The following ZBTB10 variants were observed in gnomAD, a reference collection of about 807,000 sequenced individuals.
ZBTB10 encodes zinc finger and BTB domain containing 10.
A neutral mutation model predicts 76.4 loss-of-function variants in ZBTB10; 32 were observed. The ratio of observed to expected loss-of-function variants is 0.42; its 90% CI spans 0.32 to 0.56. The LOEUF is 0.56. Among genes scored for constraint, ZBTB10 ranks in the 20% least tolerant of loss-of-function variants. The pLI is 0.14. For synonymous variants in ZBTB10, 523 were observed against 432.9 expected (o/e 1.21, Z -2.58); for missense variants, 1,057 against 1,098.5 (o/e 0.96, Z 0.53).
In ZBTB10 at chr8:80,486,898, A is replaced by G. The variant is rs1247041252; in HGVS notation, c.88A>G (p.Asn30Asp). Residue 30 changes from asparagine to aspartate, a missense_variant, in exon 1 of 6, where the codon AAC becomes GAC. By Grantham distance (23) the Asn-to-Asp change is conservative. Around this residue, in one of 5 missense-constraint regions of ZBTB10, gnomAD observed 556 missense variants for 451.7 expected, o/e 1.23. Coordinates refer to ENST00000455036, the MANE Select transcript of ZBTB10 (RefSeq NM_001105539.3). ...TASGGGSTNN[N>D]AGGEASAWPP... ...TAGCGGCGGCGGCTCCACGAACAATAACGCTGGCGGGGAGGCCTCAGCTTG... is the reference window on the plus strand; with the variant it reads ...TAGCGGCGGCGGCTCCACGAACAATGACGCTGGCGGGGAGGCCTCAGCTTG... 3.3e-6 allele frequency: 5 copies of G among 1,514,884 alleles called. No individual in the cohort carries two copies. Among genetic ancestry groups the G allele is most frequent in the Non-Finnish European group, 3.5e-6 (4 of 1,134,268 alleles). The allele number at this position is 1,514,884 out of a possible 1,614,324, so 93.8% of individuals were successfully genotyped here.
Position 80,499,514 on chromosome 8 carries a change from G to T in ZBTB10, c.993G>T (p.Glu331Asp). Residue 331 changes from glutamate (E) to aspartate (D), a missense_variant, in exon 2 of 6, where the codon GAG becomes GAT. Coordinates refer to ENST00000455036, the MANE Select transcript of ZBTB10 (RefSeq NM_001105539.3). ...ANAQESEIPS[E>D]EGYCDFNSRP... is the part of the protein sequence containing the mutation. ...TACAGGAGTCAGAAATACCATCAGA[G>T]GAGGGGTACTGTGACTTTAATAGTA... The T allele has an allele frequency of 6.2e-7, 1 of 1,604,676 alleles. No homozygotes were observed. The highest frequency in any genetic ancestry group is 8.5e-7 in the Non-Finnish European group (1 of 1,174,884).
intron 2 of ZBTB10, among the ~76,000 whole-genome samples, chr8:80,509,395 G>A (rs953886532): frequency 1.3e-5 from 2 of 151,980 alleles, no homozygotes; most frequent in African/African-American, 4.8e-5. Context: ...AAGAATATTT[G>A]TGTTCTGAGA....
At position 80,519,568 on chromosome 8, in the gene ZBTB10, T is replaced by A. The variant is rs542147137; in HGVS notation, c.*40T>A. ...TCCTCAAGGATGCTGCATTTGGACCTAATATGAATCGACAATTTGGATTGT... is the reference window on the plus strand; with the variant it reads ...TCCTCAAGGATGCTGCATTTGGACCAAATATGAATCGACAATTTGGATTGT... On this transcript the variant is annotated 3_prime_UTR_variant, in exon 6 of 6. Coordinates refer to ENST00000455036, the MANE Select transcript of ZBTB10 (RefSeq NM_001105539.3). 14 of 1,539,528 alleles carry A rather than the reference T, an allele frequency of 9.1e-6. No individual in the cohort carries two copies. In the South Asian group the frequency reaches 1.5e-4, roughly 16 times the overall value.
Position 80,500,284 on chromosome 8 carries a change from T to A in ZBTB10, c.1763T>A (p.Ile588Asn). Residue 588 changes from isoleucine to asparagine, a missense_variant, in exon 2 of 6, where the codon ATT (isoleucine) becomes AAT (asparagine). Transcript: ENST00000455036. The stretch of plus-strand genomic sequence containing the variant: ...ACTACAAAAAGATTTATTTATAATA[T>A]TCCACCTAATAATGAAACGAATTTA... Reference protein sequence around the residue: ...NQTTKRFIYNIPPNNETNLED... With the variant: ...NQTTKRFIYNNPPNNETNLED... 5.7e-6 allele frequency: 9 copies of A among 1,574,978 alleles called. No individual in the cohort carries two copies. The highest frequency in any genetic ancestry group is 7.8e-6 in the Non-Finnish European group (9 of 1,159,658).
At chr8:80,499,035 C>T (rs1480517674) in intron 1 of ZBTB10, among the ~76,000 whole-genome samples, 2 of 152,080 alleles carry the variant, frequency 1.3e-5, no homozygotes, top group Non-Finnish European at 2.9e-5. Context: ...TAAAATTTAC[C>T]TTTTTATTAA....
rs746272612 is a variant in ZBTB10 at position 80,523,919 on chromosome 8, T to A, written c.*4391T>A. On this transcript the variant is annotated 3_prime_UTR_variant, in exon 6 of 6. Coordinates refer to ENST00000455036, the MANE Select transcript of ZBTB10 (RefSeq NM_001105539.3). ...AGATCTTTTACGAAGACCAACTTTT[T>A]AAAATGTAAATTACCTACCTAATAT... 4.6e-5 allele frequency: 7 copies of A among 152,020 alleles called. No homozygotes were observed. Among genetic ancestry groups the A allele is most frequent in the Non-Finnish European group, 8.8e-5 (6 of 67,908 alleles). 9.4% of individuals were successfully genotyped at this position (152,020 alleles called of 1,614,324 possible).
At position 80,486,699 on chromosome 8, in the gene ZBTB10, G is replaced by C. The variant is rs921583887; in HGVS notation, c.-112G>C. On this transcript the variant is annotated 5_prime_UTR_variant, in exon 1 of 6. Coordinates refer to ENST00000455036, the MANE Select transcript of ZBTB10 (RefSeq NM_001105539.3). ...GGCGAGGCCGAGCCCCGCGAGACCGGAACGCCGGGGGCGGGGGCGAGACAG... is the reference window on the plus strand; with the variant it reads ...GGCGAGGCCGAGCCCCGCGAGACCGCAACGCCGGGGGCGGGGGCGAGACAG... 1.0e-6 allele frequency: 1 copy of C among 995,240 alleles called. No individual in the cohort carries two copies. Among genetic ancestry groups the C allele is most frequent in the African/African-American group, 1.8e-5 (1 of 57,012 alleles). 61.7% of individuals were successfully genotyped at this position (995,240 alleles called of 1,614,324 possible). A position where few individuals can be genotyped will look rare whatever the true frequency, so the allele number is the denominator to read the frequency against.
chr8:80,504,825 G>A (rs1275881851), intron 2 of ZBTB10, among the ~76,000 whole-genome samples: 2 of 152,170 alleles, frequency 1.3e-5, no homozygotes, highest in Non-Finnish European at 2.9e-5. Flanking sequence ...GCCAAATAAA[G>A]TAGATAACCT....
intron 2 of ZBTB10, among the ~76,000 whole-genome samples, chr8:80,503,189 T>C (rs963705584): frequency 6.6e-6 from 1 of 152,168 alleles, no homozygotes; most frequent in Non-Finnish European, 1.5e-5. Context: ...CATTAAAATA[T>C]TGTGTTGATT....
At chr8:80,495,636 GC>G (rs1176552604) in intron 1 of ZBTB10, among the ~76,000 whole-genome samples, 1 of 152,084 alleles carries the variant, frequency 6.6e-6, no homozygotes, top group East Asian at 1.9e-4. Context: ...GAATCATTTT[GC>G]TTCCTAGTGT....
Position 80,486,941 on chromosome 8 carries a change from C to A in ZBTB10, c.131C>A (p.Pro44Gln). 6.6e-7 allele frequency: 1 copy of A among 1,513,784 alleles called. No individual in the cohort carries two copies. The highest frequency in any genetic ancestry group is 1.2e-5 in the South Asian group (1 of 81,618). 93.8% of individuals were successfully genotyped at this position (1,513,784 alleles called of 1,614,324 possible). A position where few individuals can be genotyped will look rare whatever the true frequency, so the allele number is the denominator to read the frequency against. ...EASAWPPQPQ[P>Q]RQPPPPAPPA... ...TCAGCTTGGCCTCCGCAGCCCCAGCCGAGACAGCCCCCGCCGCCAGCGCCG... is the reference window on the plus strand; with the variant it reads ...TCAGCTTGGCCTCCGCAGCCCCAGCAGAGACAGCCCCCGCCGCCAGCGCCG... The change falls in exon 1 of 6, where the codon CCG becomes CAG. Residue 44 changes from proline (P) to glutamine (Q), a missense_variant. Pro to Gln is a moderately conservative substitution (Grantham distance 76, BLOSUM62 -1). Around this residue, in one of 5 missense-constraint regions of ZBTB10, gnomAD observed 556 missense variants for 451.7 expected, o/e 1.23. Transcript: ENST00000455036.
In ZBTB10 at chr8:80,514,145, T is replaced by C. The variant is rs946523235; in HGVS notation, c.1960+137T>C. On this transcript the variant is annotated intron_variant, in intron 3 of 5. Transcript: ENST00000455036. ...ACTTTCAATCTATGGTAGCTATGTT[T>C]ATGATGACTGGAAAATTGGTAAATG... is the stretch of plus-strand genomic sequence containing the variant. 1.8e-5 allele frequency: 13 copies of C among 717,102 alleles called. No homozygotes were observed. The Admixed American group carries it at 3.4e-4, about 19-fold the overall frequency. 44.4% of individuals were successfully genotyped at this position (717,102 alleles called of 1,614,324 possible). A position where few individuals can be genotyped will look rare whatever the true frequency, so the allele number is the denominator to read the frequency against.
In ZBTB10 at chr8:80,486,603, G is replaced by C; in HGVS notation, c.-208G>C. The C allele has an allele frequency of 1.0e-6, 1 of 986,566 alleles. No homozygotes were observed. Among genetic ancestry groups the C allele is most frequent in the Non-Finnish European group, 1.2e-6 (1 of 831,124 alleles). 61.1% of individuals were successfully genotyped at this position (986,566 alleles called of 1,614,324 possible). A position where few individuals can be genotyped will look rare whatever the true frequency, so the allele number is the denominator to read the frequency against. On this transcript the variant is annotated 5_prime_UTR_variant, in exon 1 of 6. Transcript: ENST00000455036. ...AGAGAGCGGTCGGAGGCGTCGGCCC[G>C]GCAGCGGCAGCGGCAGCGGACGCGT...
In ZBTB10 at chr8:80,487,054, G is replaced by C. The variant is rs1815486611; in HGVS notation, c.244G>C (p.Gly82Arg). The C allele has an allele frequency of 2.6e-6, 4 of 1,516,814 alleles. No individual in the cohort carries two copies. The highest frequency in any genetic ancestry group is 1.4e-5 in the African/African-American group (1 of 69,274). The allele number at this position is 1,516,814 out of a possible 1,614,324, so 94.0% of individuals were successfully genotyped here. The change falls in exon 1 of 6, where the codon GGG (glycine) becomes CGG (arginine). Residue 82 changes from glycine (G) to arginine (R), a missense_variant. By Grantham distance (125) the Gly-to-Arg change is moderately radical. Coordinates refer to ENST00000455036, the MANE Select transcript of ZBTB10 (RefSeq NM_001105539.3). ...GCCCCAAGACCTGGAGGCCTCCGCC[G>C]GGCCGGCCGCCGGCGCCGCCGAGGA... The part of the protein sequence containing the change: ...LEPQDLEASA[G>R]PAAGAAEEAK...
Position 80,523,636 on chromosome 8 carries a change from T to C in ZBTB10, c.*4108T>C, listed in dbSNP as rs926527309. On this transcript the variant is annotated 3_prime_UTR_variant, in exon 6 of 6. Coordinates refer to ENST00000455036, the MANE Select transcript of ZBTB10 (RefSeq NM_001105539.3). ...TGGAAAGTTTTTTTTTTTTTCCTGCTGTATCTCTGCTTTCAACTGAAGTTA... is the reference window on the plus strand; with the variant it reads ...TGGAAAGTTTTTTTTTTTTTCCTGCCGTATCTCTGCTTTCAACTGAAGTTA... 1 of 151,764 alleles carries C rather than the reference T, an allele frequency of 6.6e-6. No homozygotes were observed. The highest frequency in any genetic ancestry group is 1.5e-5 in the Non-Finnish European group (1 of 67,840). 9.4% of individuals were successfully genotyped at this position (151,764 alleles called of 1,614,324 possible).
intron 2 of ZBTB10, among the ~76,000 whole-genome samples, chr8:80,502,102 T>C (rs1422046134): frequency 6.6e-6 from 1 of 152,226 alleles, no homozygotes; most frequent in Non-Finnish European, 1.5e-5. Flanking sequence ...GCATTAATAA[T>C]GAACCACAAT....
intron 1 of ZBTB10, among the ~76,000 whole-genome samples, chr8:80,493,299 G>A (rs775291453): frequency 5.9e-5 from 9 of 151,976 alleles, no homozygotes; most frequent in Non-Finnish European, 7.4e-5. Context: ...TGGTTGCTGT[G>A]CAGGATGAAA....
intron 2 of ZBTB10, among the ~76,000 whole-genome samples, chr8:80,508,751 AGGGGTAGTGTTGT>A (rs1425093274): frequency 6.6e-6 from 1 of 152,154 alleles, no homozygotes; most frequent in East Asian, 1.9e-4. Flanking sequence ...AGAATAGAAA[AGGGGTAGTGTTGT>A]GGGGACATCT....
chr8:80,489,126 G>A (rs1247613738), intron 1 of ZBTB10, among the ~76,000 whole-genome samples: 1 of 152,198 alleles, frequency 6.6e-6, no homozygotes, highest in Non-Finnish European at 1.5e-5. Context: ...ACCCAACTGA[G>A]ACTAGAGCCT....
Sources: allele counts gnomAD v4.1 joint callset (sites outside exome capture counted in the v4.1 genomes callset), GRCh38; gene constraint gnomAD v4.1.1; regional missense constraint gnomAD v4.1.1; transcripts MANE v1.5; gene names NCBI Gene and HGNC (gene_info 2026-07-23, HGNC 2026-07-21).